Variants in GLIS3 observed in about 807,000 individuals in gnomAD.
GLIS3 encodes the protein zinc finger protein GLIS3.
GLIS3 carries 53 observed loss-of-function variants against 78.6 expected under a neutral mutation model. The observed-to-expected ratio is 0.67, with a 90% CI of 0.54 to 0.85. GLIS3 has a LOEUF of 0.85. GLIS3 is among the 40% of genes least tolerant of loss of function. GLIS3 has a pLI of 0.00. For synonymous variants in GLIS3, 684 were observed against 509.9 expected (o/e 1.34, Z -4.60); for missense variants, 1,703 against 1,231.1 (o/e 1.38, Z -5.74).
intron 4 of GLIS3, among the ~76,000 whole-genome samples, chr9:3,947,759 G>C (rs993046329): frequency 2.6e-5 from 4 of 152,192 alleles, no homozygotes; most frequent in African/African-American, 9.6e-5. Context: ...AAGTGGGCAG[G>C]AAAGATGGGA....
chr9:4,160,349 A>G (rs1190636628), intron 2 of GLIS3, among the ~76,000 whole-genome samples: 3 of 152,374 alleles, frequency 2.0e-5, no homozygotes, highest in Non-Finnish European at 4.4e-5. Context: ...TGCACTGGAT[A>G]TGTGTGGGAA....
intron 2 of GLIS3, among the ~76,000 whole-genome samples, chr9:4,331,594 A>G (rs1236135748): frequency 1.3e-5 from 2 of 152,194 alleles, no homozygotes; most frequent in Admixed American, 6.5e-5. Flanking sequence ...AGGGAAATCT[A>G]TGGAGCCTGT....
At chr9:4,205,646 C>A (rs1453355526) in intron 2 of GLIS3, among the ~76,000 whole-genome samples, 3 of 152,146 alleles carry the variant, frequency 2.0e-5, no homozygotes, top group East Asian at 1.9e-4. Context: ...AATCCAGGTC[C>A]TTGGTGAATC....
chr9:4,285,895 CA>C (rs1827944474), intron 2 of GLIS3, 142 bp downstream of exon 2: 3 of 1,015,620 alleles, frequency 3.0e-6, no homozygotes, highest in Non-Finnish European at 4.6e-6. Flanking sequence ...CCTTACTGAG[CA>C]AGCTATATAT....
upstream of GLIS3, among the ~76,000 whole-genome samples, chr9:4,303,314 T>C (rs975074698): frequency 1.5e-4 from 23 of 151,730 alleles, no homozygotes; most frequent in African/African-American, 4.4e-4. Flanking sequence ...TCCAGTTACG[T>C]AGAAATGCAG....
At chr9:4,269,938 C>G (rs1461170114) in intron 2 of GLIS3, among the ~76,000 whole-genome samples, 1 of 152,198 alleles carries the variant, frequency 6.6e-6, no homozygotes, top group Non-Finnish European at 1.5e-5. Context: ...GATCAACTGT[C>G]TTTGTTTAGT....
intron 4 of GLIS3, among the ~76,000 whole-genome samples, chr9:4,015,440 A>G (rs1822355057): frequency 6.6e-6 from 1 of 152,370 alleles, no homozygotes; most frequent in African/African-American, 2.4e-5. Context: ...TCTCATTTGC[A>G]GCATGCACAG....
chr9:4,212,014 G>A (rs1340994926), intron 2 of GLIS3, among the ~76,000 whole-genome samples: 1 of 152,182 alleles, frequency 6.6e-6, no homozygotes, highest in East Asian at 1.9e-4. Context: ...CCTGGGGCTG[G>A]GAGTGGGAAA....
At chr9:4,207,430 T>C (rs752065807) in intron 2 of GLIS3, among the ~76,000 whole-genome samples, 1 of 152,230 alleles carries the variant, frequency 6.6e-6, no homozygotes, top group African/African-American at 2.4e-5. Flanking sequence ...AGGATTAAAA[T>C]GTGTATTTTT....
intron 2 of GLIS3, among the ~76,000 whole-genome samples, chr9:4,345,110 C>CTTT (rs1817881649): frequency 6.6e-6 from 1 of 152,162 alleles, no homozygotes; most frequent in African/African-American, 2.4e-5. Context: ...CCGCAAGTTT[C>CTTT]CCCCTCAGAG....
the GLIS3 span, among the ~76,000 whole-genome samples, chr9:4,405,438 C>A: frequency 3.7e-4 from 56 of 151,842 alleles, no homozygotes; most frequent in South Asian, 0.012. Flanking sequence ...TTAGTGGCTA[C>A]TATGAGCAGC....
intron 2 of GLIS3, among the ~76,000 whole-genome samples, chr9:4,254,172 G>A (rs1425554580): frequency 6.6e-6 from 1 of 152,152 alleles, no homozygotes; most frequent in African/African-American, 2.4e-5. Flanking sequence ...CACATAACAG[G>A]CTAGGCATAA....
At chr9:4,037,547 A>AACACACACACACACACACACAC (rs56254712) in intron 4 of GLIS3, among the ~76,000 whole-genome samples, 155 of 147,482 alleles carry the variant, frequency 1.1e-3, no homozygotes, top group African/African-American at 3.8e-3. Context: ...GTGTGCACAC[A>AACACACACACACACACACACAC]ACACACACAC....
intron 2 of GLIS3, among the ~76,000 whole-genome samples, chr9:4,160,363 G>C (rs543607411): frequency 1.3e-5 from 2 of 152,350 alleles, no homozygotes; most frequent in South Asian, 2.1e-4. Flanking sequence ...GTGGGAAATA[G>C]GAACTCGCCG....
At chr9:4,382,130 G>A in the GLIS3 span, among the ~76,000 whole-genome samples, 3,113 of 152,192 alleles carry the variant, frequency 0.02, 108 homozygotes, top group African/African-American at 0.071. Flanking sequence ...TCCAATGCCC[G>A]TAATACCAAA....
chr9:4,109,474 T>C (rs945414806), intron 4 of GLIS3, among the ~76,000 whole-genome samples: 2 of 152,204 alleles, frequency 1.3e-5, no homozygotes, highest in African/African-American at 4.8e-5. Flanking sequence ...AGCTGATCAC[T>C]TGGCATAAGA....
At chr9:3,877,100 A>G (rs375197565) in intron 8 of GLIS3, among the ~76,000 whole-genome samples, 126 of 152,302 alleles carry the variant, frequency 8.3e-4, no homozygotes, top group Middle Eastern at 3.4e-3. Flanking sequence ...AAGGAGGTGC[A>G]GTGAAGGGAG....
At position 3,977,640 on chromosome 9, in the gene GLIS3, C is replaced by G. The variant is rs1468086249; in HGVS notation, c.1711-40451G>C. Among the ~76,000 whole-genome samples, 3 of 152,254 alleles carry G rather than the reference C, an allele frequency of 2.0e-5. No homozygotes were observed. The highest frequency in any genetic ancestry group is 2.1e-4 in the South Asian group (1 of 4,828). On this transcript the variant is annotated intron_variant, in intron 4 of 10. Transcript: ENST00000381971. This position sits in a 1 kb window ranked among gnomAD's most constrained non-coding sequence, Gnocchi z 4.1. Reference sequence around the variant, plus strand: ...CCGATTTTAATTAGACGGCTTAAAGCAGCCACATCAATAATGGCAGAATGA... The same window carrying G: ...CCGATTTTAATTAGACGGCTTAAAGGAGCCACATCAATAATGGCAGAATGA...
chr9:4,298,341 G>A (rs1295652749), intron 1 of GLIS3: 5 of 455,284 alleles, frequency 1.1e-5, no homozygotes, highest in Admixed American at 9.4e-5. Flanking sequence ...GGGCGCGAAC[G>A]CGGAGCCAGA....
Sources: gnomAD v4.1 joint callset for allele counts (sites outside exome capture counted in the v4.1 genomes callset) on GRCh38, gnomAD v4.1.1 for gene constraint, Gnocchi (gnomAD v3.1) non-coding constraint, MANE v1.5 for transcripts, NCBI Gene and HGNC (gene_info 2026-07-23, HGNC 2026-07-21) for gene names.